Variants in SAMD5 observed in about 807,000 individuals in gnomAD.
The protein encoded by SAMD5 is sterile alpha motif domain-containing protein 5.
A neutral mutation model predicts 11.3 loss-of-function variants in SAMD5; 13 were observed. That is an observed-to-expected ratio of 1.15 (90% CI 0.75 to 1.83). The LOEUF (loss-of-function observed/expected upper bound fraction) is 1.83. Ranked by LOEUF, SAMD5 falls within the 40% of genes most tolerant of loss-of-function variation. The pLI, the probability that SAMD5 is intolerant of heterozygous loss-of-function variation, is 0.00. For synonymous variants in SAMD5, 129 were observed against 111.3 expected, an observed-to-expected ratio of 1.16 and a Z score of -1.00; for missense variants, 255 against 239.1, an observed-to-expected ratio of 1.07 and a Z score of -0.44.
the SAMD5 span, among the ~76,000 whole-genome samples, chr6:147,837,462 C>T: frequency 6.6e-6 from 1 of 152,230 alleles, no homozygotes; most frequent in Non-Finnish European, 1.5e-5. Context: ...TCATTTACAT[C>T]AGTGACACAT....
chr6:147,820,525 A>G, the SAMD5 span, among the ~76,000 whole-genome samples: 1 of 152,244 alleles, frequency 6.6e-6, no homozygotes, highest in Non-Finnish European at 1.5e-5. Flanking sequence ...GCACAAATGC[A>G]AATGGTAATG....
chr6:147,704,863 C>T (rs1236469919), intron 1 of SAMD5, among the ~76,000 whole-genome samples: 1 of 152,162 alleles, frequency 6.6e-6, no homozygotes, highest in Non-Finnish European at 1.5e-5. Context: ...GCCATCTCCC[C>T]GAATCATGTT....
intron 1 of SAMD5, among the ~76,000 whole-genome samples, chr6:147,601,129 G>A (rs1008656582): frequency 6.6e-6 from 1 of 152,124 alleles, no homozygotes; most frequent in Non-Finnish European, 1.5e-5. Context: ...AGACAGATGC[G>A]ACCAAGTTTG....
the SAMD5 span, among the ~76,000 whole-genome samples, chr6:147,843,542 C>G: frequency 6.6e-6 from 1 of 152,238 alleles, no homozygotes. Flanking sequence ...TCAAAGCCAT[C>G]TTGACCAAAA....
chr6:147,878,599 ATATAT>A, the SAMD5 span, among the ~76,000 whole-genome samples: 1 of 145,106 alleles, frequency 6.9e-6, no homozygotes, highest in African/African-American at 2.5e-5. Context: ...ATATATACAT[ATATAT>A]CTATATAGAT....
chr6:147,858,974 A>G, the SAMD5 span, among the ~76,000 whole-genome samples: 1 of 152,174 alleles, frequency 6.6e-6, no homozygotes, highest in Non-Finnish European at 1.5e-5. Context: ...TAGTATGTAG[A>G]TATATATTAA....
chr6:147,763,017 A>T, the SAMD5 span, among the ~76,000 whole-genome samples: 1 of 152,202 alleles, frequency 6.6e-6, no homozygotes, highest in Non-Finnish European at 1.5e-5. Context: ...CAAAATTTTA[A>T]AAAAAGCTTG....
At chr6:147,670,965 G>A (rs1443465192) in intron 1 of SAMD5, among the ~76,000 whole-genome samples, 3 of 152,316 alleles carry the variant, frequency 2.0e-5, no homozygotes, top group Admixed American at 1.3e-4. Flanking sequence ...ACTTCACTAA[G>A]CTTAATAATT....
At chr6:147,586,254 G>A (rs1036640691) in intron 1 of SAMD5, among the ~76,000 whole-genome samples, 2 of 152,138 alleles carry the variant, frequency 1.3e-5, no homozygotes, top group Non-Finnish European at 2.9e-5. Flanking sequence ...CGGGCAAACT[G>A]CCTAGTCTCA....
At chr6:147,635,711 G>A (rs939483851) in intron 1 of SAMD5, among the ~76,000 whole-genome samples, 1 of 152,156 alleles carries the variant, frequency 6.6e-6, no homozygotes, top group African/African-American at 2.4e-5. Context: ...TGCAACCTTT[G>A]GCATGCCTTT....
intron 1 of SAMD5, among the ~76,000 whole-genome samples, chr6:147,628,344 T>G (rs955638890): frequency 6.6e-6 from 1 of 152,256 alleles, no homozygotes; most frequent in Non-Finnish European, 1.5e-5. Context: ...TTTCTATGGT[T>G]TGGCAAATGT....
At chr6:147,843,876 A>T in the SAMD5 span, among the ~76,000 whole-genome samples, 1 of 152,210 alleles carries the variant, frequency 6.6e-6, no homozygotes, top group Non-Finnish European at 1.5e-5. Flanking sequence ...GTAAGACATG[A>T]AACTATAACA....
the SAMD5 span, among the ~76,000 whole-genome samples, chr6:147,911,509 G>T: frequency 6.6e-6 from 1 of 152,198 alleles, no homozygotes. Context: ...TAGGGCCCCT[G>T]CTCCACACTC....
chr6:147,568,541 C>T lies in SAMD5; in HGVS notation c.*4085C>T. On this transcript the variant is annotated 3_prime_UTR_variant, in exon 2 of 2. Transcript: ENST00000367474. The stretch of plus-strand genomic sequence containing the variant: ...ATAAGAGAAATAAGTGAAAGTCTGA[C>T]CCTACATTGCCAATTCTCAGACCAA... The T allele has an allele frequency of 8.1e-6, 8 of 985,322 alleles. No homozygotes were observed. Among genetic ancestry groups the T allele is most frequent in the Non-Finnish European group, 9.6e-6 (8 of 829,886 alleles). 61.0% of individuals were successfully genotyped at this position (985,322 alleles called of 1,614,324 possible).
chr6:147,776,642 C>T, the SAMD5 span, among the ~76,000 whole-genome samples: 1 of 152,210 alleles, frequency 6.6e-6, no homozygotes. Context: ...TTTTTCTCCC[C>T]TACCATCTTA....
intron 1 of SAMD5, among the ~76,000 whole-genome samples, chr6:147,652,652 T>C (rs1422472777): frequency 1.3e-5 from 2 of 152,212 alleles, no homozygotes; most frequent in African/African-American, 4.8e-5. Flanking sequence ...CACTCCTGAA[T>C]ATGTCACAAG....
chr6:147,891,470 G>A, the SAMD5 span, among the ~76,000 whole-genome samples: 2 of 151,990 alleles, frequency 1.3e-5, no homozygotes, highest in South Asian at 2.1e-4. Flanking sequence ...AGGACATAGA[G>A]GAACATAATA....
the SAMD5 span, among the ~76,000 whole-genome samples, chr6:147,945,178 C>A: frequency 1.3e-5 from 2 of 152,146 alleles, no homozygotes; most frequent in African/African-American, 2.4e-5. Flanking sequence ...CCCTTTATCC[C>A]CCGACTATTT....
the SAMD5 span, among the ~76,000 whole-genome samples, chr6:147,847,013 A>T: frequency 6.6e-6 from 1 of 152,188 alleles, no homozygotes; most frequent in Non-Finnish European, 1.5e-5. Flanking sequence ...AGATATCAAG[A>T]AGTTAAATAA....
Sources: allele counts gnomAD v4.1 joint callset (sites outside exome capture counted in the v4.1 genomes callset), GRCh38; gene constraint gnomAD v4.1.1; transcripts MANE v1.5; gene names NCBI Gene and HGNC (gene_info 2026-07-23, HGNC 2026-07-21).